Variants in GRM8 observed in about 807,000 individuals in gnomAD.
GRM8 encodes the protein glutamate metabotropic receptor 8.
GRM8 carries 47 observed loss-of-function variants against 87.2 expected under a neutral mutation model. That is an observed-to-expected ratio of 0.54 (90% CI 0.43 to 0.69). The LOEUF (loss-of-function observed/expected upper bound fraction) is 0.69. GRM8 is among the 30% of genes least tolerant of loss of function. GRM8 has a pLI of 0.00. For synonymous variants in GRM8, 396 were observed against 404.5 expected (o/e 0.98, Z 0.25); for missense variants, 1,019 against 1,139.2 (o/e 0.89, Z 1.52).
intron 6 of GRM8, among the ~76,000 whole-genome samples, chr7:126,866,803 G>A (rs1235938970): frequency 6.6e-6 from 1 of 151,720 alleles, no homozygotes; most frequent in African/African-American, 2.4e-5. Context: ...TGTTGGTCAG[G>A]CTGGTCTCAA....
Position 127,236,375 on chromosome 7 carries a change from A to C in GRM8, c.510+6320T>G, listed in dbSNP as rs1797981571. 2.0e-5 allele frequency among the ~76,000 whole-genome samples: 3 copies of C among 152,368 alleles called. No individual in the cohort carries two copies. The South Asian group carries it at 6.2e-4, about 32-fold the overall frequency. Reference sequence around the variant, plus strand: ...CCAGATACTGGGTAATTTATAAACGAAAGAGGTTTAATTGACTCACAGTTC... The same window carrying C: ...CCAGATACTGGGTAATTTATAAACGCAAGAGGTTTAATTGACTCACAGTTC... On this transcript the variant is annotated intron_variant, in intron 2 of 10. Transcript: ENST00000339582.
Position 127,243,058 on chromosome 7 carries a change from C to A in GRM8, c.147G>T (p.Gly49=), listed in dbSNP as rs144239261. The A allele has an allele frequency of 8.3e-5, 134 of 1,613,928 alleles. No individual in the cohort carries two copies. The highest frequency in any genetic ancestry group is 1.7e-5 in the Non-Finnish European group (20 of 1,179,996). The change falls in exon 2 of 11, where the codon GGG becomes GGT. Residue 49 remains glycine, a synonymous_variant. Coordinates refer to ENST00000339582, the MANE Select transcript of GRM8 (RefSeq NM_000845.3). ...CCTTTGCGTGGACAGGGAAGAGACC[C>A]CCCAAAATAATGTCCCCATCCACCC... ...SIRVDGDIIL[G]GLFPVHAKGE...
intron 7 of GRM8, among the ~76,000 whole-genome samples, chr7:126,628,593 A>G (rs764857079): frequency 3.3e-5 from 5 of 152,196 alleles, no homozygotes; most frequent in African/African-American, 4.8e-5. Context: ...AGTATACAAA[A>G]TACATTTTAT....
intron 6 of GRM8, among the ~76,000 whole-genome samples, chr7:126,789,772 C>T (rs1338143578): frequency 1.3e-5 from 2 of 152,128 alleles, no homozygotes; most frequent in African/African-American, 2.4e-5. Context: ...TTGCTTTTTG[C>T]TACTCCATCC....
chr7:126,990,066 G>C (rs979476788), intron 3 of GRM8, among the ~76,000 whole-genome samples: 24 of 152,146 alleles, frequency 1.6e-4, no homozygotes, highest in African/African-American at 5.8e-4. Flanking sequence ...CTCCATTTCA[G>C]TCATTGCCTT....
chr7:126,971,808 G>C (rs1388525270), intron 3 of GRM8, among the ~76,000 whole-genome samples: 1 of 152,166 alleles, frequency 6.6e-6, no homozygotes, highest in African/African-American at 2.4e-5. Flanking sequence ...TAAGGCAAAA[G>C]TCCAAAGATT....
At chr7:126,664,608 A>G (rs1805565051) in intron 7 of GRM8, among the ~76,000 whole-genome samples, 1 of 152,174 alleles carries the variant, frequency 6.6e-6, no homozygotes, top group South Asian at 2.1e-4. Flanking sequence ...CTTTCACTAT[A>G]TACAACAAAT....
chr7:126,530,777 C>T lies in GRM8; in HGVS notation c.2430+2175G>A, dbSNP rs138128326. Among the ~76,000 whole-genome samples the T allele has an allele frequency of 6.6e-3, 1,010 of 152,272 alleles. 11 individuals are homozygous for T. The highest frequency in any genetic ancestry group is 0.042 in the South Asian group (205 of 4,828). ...TTAATATTCATGTCAATAATTTAAG[C>T]AATGTGAAAACTTAAACATTCTCAA... On this transcript the variant is annotated intron_variant, in intron 9 of 10. Transcript: ENST00000339582.
chr7:126,799,354 G>A (rs1460048764), intron 6 of GRM8, among the ~76,000 whole-genome samples: 1 of 152,102 alleles, frequency 6.6e-6, no homozygotes, highest in Non-Finnish European at 1.5e-5. Context: ...TCCCACGTGA[G>A]ACAAATAAGA....
intron 1 of GRM8, among the ~76,000 whole-genome samples, chr7:127,249,803 C>T (rs949403664): frequency 6.6e-6 from 1 of 152,204 alleles, no homozygotes; most frequent in Non-Finnish European, 1.5e-5. Context: ...GAATGAACCA[C>T]ATTTGTGAGT....
intron 3 of GRM8, among the ~76,000 whole-genome samples, chr7:127,051,013 T>C (rs1462121583): frequency 3.1e-5 from 4 of 128,892 alleles, no homozygotes; most frequent in African/African-American, 1.2e-4. Context: ...TTGAATCCTA[T>C]CAATCATTTC....
At chr7:126,696,736 A>C (rs1809425750) in intron 7 of GRM8, among the ~76,000 whole-genome samples, 1 of 152,190 alleles carries the variant, frequency 6.6e-6, no homozygotes, top group Non-Finnish European at 1.5e-5. Context: ...TGCCAAAACA[A>C]AGACAGACAG....
At chr7:127,147,737 C>T (rs1157985434) in intron 2 of GRM8, among the ~76,000 whole-genome samples, 3 of 151,424 alleles carry the variant, frequency 2.0e-5, no homozygotes, top group East Asian at 1.9e-4. Flanking sequence ...ATCTATAATG[C>T]CTGAATCCTT....
chr7:126,617,983 T>A (rs886244150), intron 7 of GRM8, among the ~76,000 whole-genome samples: 2 of 152,168 alleles, frequency 1.3e-5, no homozygotes, highest in South Asian at 2.1e-4. Flanking sequence ...GCCATCCCCA[T>A]CAAGCTACCA....
chr7:127,088,338 T>G (rs1177218913), intron 3 of GRM8, among the ~76,000 whole-genome samples: 2 of 152,210 alleles, frequency 1.3e-5, no homozygotes, highest in South Asian at 4.1e-4. Context: ...TTAATTCCTT[T>G]GGTTGCCAAC....
At chr7:126,484,979 A>G (rs987183246) in intron 9 of GRM8, among the ~76,000 whole-genome samples, 1 of 151,964 alleles carries the variant, frequency 6.6e-6, no homozygotes, top group Non-Finnish European at 1.5e-5. Flanking sequence ...GTTTACCAGA[A>G]TTTTGCTTAA....
intron 3 of GRM8, among the ~76,000 whole-genome samples, chr7:127,089,080 A>G (rs1287611355): frequency 6.6e-6 from 1 of 152,232 alleles, no homozygotes; most frequent in African/African-American, 2.4e-5. Flanking sequence ...GGTGTTTGCA[A>G]ACATAACTGC....
At chr7:126,667,196 C>T (rs1334908588) in intron 7 of GRM8, among the ~76,000 whole-genome samples, 1 of 152,156 alleles carries the variant, frequency 6.6e-6, no homozygotes, top group Non-Finnish European at 1.5e-5. Flanking sequence ...TATCCTCACT[C>T]TACAATAAAG....
intron 3 of GRM8, among the ~76,000 whole-genome samples, chr7:126,923,077 T>C (rs762746734): frequency 2.6e-5 from 4 of 152,198 alleles, no homozygotes; most frequent in Admixed American, 2.0e-4. Flanking sequence ...AGTTTAAAGA[T>C]AGCAAGATAA....
Sources: allele counts gnomAD v4.1 joint callset (sites outside exome capture counted in the v4.1 genomes callset), GRCh38; gene constraint gnomAD v4.1.1; transcripts MANE v1.5; gene names NCBI Gene and HGNC (gene_info 2026-07-23, HGNC 2026-07-21).